Variants in FMO1 observed in about 807,000 individuals in gnomAD.
FMO1 encodes the protein flavin-containing monooxygenase 1.
Under a neutral mutation model 45.4 loss-of-function variants are expected in FMO1, and 36 were observed. The ratio of observed to expected loss-of-function variants is 0.79; its 90% CI spans 0.61 to 1.05. FMO1 has a LOEUF of 1.05. Ranked by LOEUF, FMO1 falls within the 50% of genes least tolerant of loss-of-function variation. The pLI is 0.00. For synonymous variants in FMO1, 228 were observed against 227.2 expected (o/e 1.00, Z -0.03); for missense variants, 615 against 640.3 (o/e 0.96, Z 0.43).
At chr1:171,253,722 T>A (rs547626155) in intron 1 of FMO1, among the ~76,000 whole-genome samples, 1 of 151,954 alleles carries the variant, frequency 6.6e-6, no homozygotes, top group African/African-American at 2.4e-5. Flanking sequence ...GATCATGCAA[T>A]TACACTCCAG....
chr1:171,275,222 G>T (rs1227626096), intron 3 of FMO1, 124 bp from the exon 4 acceptor site: 2 of 727,438 alleles, frequency 2.7e-6, no homozygotes. Flanking sequence ...GGTTTCTAGG[G>T]TTATACTTAT....
chr1:171,264,629 C>G (rs1169972403), intron 2 of FMO1, among the ~76,000 whole-genome samples: 8 of 151,976 alleles, frequency 5.3e-5, no homozygotes, highest in Non-Finnish European at 1.0e-4. Context: ...GTGGCTCACG[C>G]CTGTAATCTC....
At chr1:171,257,745 C>T (rs767659906) in intron 1 of FMO1, 37 of 344,764 alleles carry the variant, frequency 1.1e-4, no homozygotes, top group Non-Finnish European at 1.4e-4. Context: ...AGTTCTAGGG[C>T]CACAGAATGG....
intron 5 of FMO1, among the ~76,000 whole-genome samples, chr1:171,279,079 C>T (rs555117239): frequency 6.8e-6 from 1 of 147,168 alleles, no homozygotes; most frequent in Non-Finnish European, 1.5e-5. Flanking sequence ...ACTTCTCTGA[C>T]TTCTTTTTAC....
At chr1:171,274,582 C>T (rs1260344492) in intron 3 of FMO1, among the ~76,000 whole-genome samples, 4 of 152,012 alleles carry the variant, frequency 2.6e-5, no homozygotes, top group Non-Finnish European at 5.9e-5. Flanking sequence ...AATGTAGAAA[C>T]ACAATAAGCA....
chr1:171,275,078 C>G (rs1235812216), intron 3 of FMO1, among the ~76,000 whole-genome samples: 1 of 152,232 alleles, frequency 6.6e-6, no homozygotes, highest in East Asian at 1.9e-4. Flanking sequence ...GGTTCTAATT[C>G]TGATTCTGTC....
chr1:171,282,408 T>A, intron 7 of FMO1, 75 bp downstream of exon 7: 1 of 896,468 alleles, frequency 1.1e-6, no homozygotes, highest in Non-Finnish European at 1.7e-6. Context: ...GTTGAGACTA[T>A]TATTCCTCCT....
chr1:171,256,416 C>A (rs1476276297), intron 1 of FMO1, among the ~76,000 whole-genome samples: 2 of 152,072 alleles, frequency 1.3e-5, no homozygotes, highest in East Asian at 1.9e-4. Flanking sequence ...GTGTCTACCC[C>A]CAATACCCAT....
intron 2 of FMO1, among the ~76,000 whole-genome samples, chr1:171,258,595 C>T (rs192077030): frequency 1.1e-3 from 168 of 152,322 alleles, no homozygotes; most frequent in African/African-American, 3.5e-3. Context: ...GAATTTCAGC[C>T]TCTGCCTGCA....
intron 3 of FMO1, chr1:171,271,426 T>C (rs1398544761): frequency 7.0e-5 from 72 of 1,030,492 alleles, no homozygotes; most frequent in Non-Finnish European, 7.7e-6. Flanking sequence ...CCTTTCTCTT[T>C]AGCAGACATG....
chr1:171,255,478 A>C (rs541801561), intron 1 of FMO1, among the ~76,000 whole-genome samples: 4 of 152,168 alleles, frequency 2.6e-5, no homozygotes, highest in African/African-American at 4.8e-5. Context: ...TGCTCCAGGC[A>C]CTTGGAGTAG....
At chr1:171,264,157 C>T (rs1263722217) in intron 2 of FMO1, among the ~76,000 whole-genome samples, 3 of 151,966 alleles carry the variant, frequency 2.0e-5, no homozygotes, top group Non-Finnish European at 4.4e-5. Flanking sequence ...AAATTATCTT[C>T]CTACGTTTTG....
intron 2 of FMO1, among the ~76,000 whole-genome samples, chr1:171,264,320 GT>G (rs1045089878): frequency 4.0e-5 from 6 of 148,228 alleles, no homozygotes; most frequent in Non-Finnish European, 4.5e-5. Flanking sequence ...TAATTTGTGT[GT>G]GTGTATATAT....
chr1:171,279,015 G>C, intron 5 of FMO1, 144 bp downstream of exon 5: 1 of 646,652 alleles, frequency 1.5e-6, no homozygotes, highest in Non-Finnish European at 2.2e-6. Context: ...AATTTTTACT[G>C]AATGTTCACA....
At chr1:171,263,843 A>C (rs2101809060) in intron 2 of FMO1, among the ~76,000 whole-genome samples, 1 of 152,240 alleles carries the variant, frequency 6.6e-6, no homozygotes, top group African/African-American at 2.4e-5. Context: ...CCTGGGAATC[A>C]CTGGGGCAGA....
At chr1:171,253,368 C>A (rs185166980) in intron 1 of FMO1, among the ~76,000 whole-genome samples, 1 of 152,126 alleles carries the variant, frequency 6.6e-6, no homozygotes. Context: ...ACCTGCACCA[C>A]GAAAAGCTCA....
intron 2 of FMO1, among the ~76,000 whole-genome samples, chr1:171,264,333 T>TAC (rs566398412): frequency 5.5e-4 from 82 of 147,790 alleles, no homozygotes; most frequent in African/African-American, 1.8e-3. Flanking sequence ...TGTATATATA[T>TAC]ATACACACAC....
intron 1 of FMO1, among the ~76,000 whole-genome samples, chr1:171,254,381 C>A (rs571562136): frequency 2.0e-5 from 3 of 152,076 alleles, no homozygotes; most frequent in Non-Finnish European, 4.4e-5. Flanking sequence ...TGAACCACCA[C>A]CCCGGCCCGA....
intron 2 of FMO1, among the ~76,000 whole-genome samples, chr1:171,261,066 T>C (rs1660360587): frequency 6.6e-6 from 1 of 151,950 alleles, no homozygotes; most frequent in South Asian, 2.1e-4. Context: ...AATGAAAACA[T>C]GGGACCAGTA....
Sources: gnomAD v4.1 joint callset for allele counts (sites outside exome capture counted in the v4.1 genomes callset) on GRCh38, gnomAD v4.1.1 for gene constraint, MANE v1.5 for transcripts, NCBI Gene and HGNC (gene_info 2026-07-23, HGNC 2026-07-21) for gene names.